The following POU6F2 variants were observed in gnomAD, a reference collection of about 807,000 sequenced individuals.
POU6F2 encodes POU class 6 homeobox 2, also known as POU domain, class 6, transcription factor 2.
In POU6F2, 31 loss-of-function variants were observed where a neutral mutation model predicts 71.3. The observed-to-expected ratio is 0.43, with a 90% CI of 0.33 to 0.59. The LOEUF is 0.59. Ranked by LOEUF, POU6F2 falls within the 20% of genes least tolerant of loss-of-function variation. The pLI is 0.04. For missense variants in POU6F2, 783 were observed against 856.8 expected (o/e 0.91, Z 1.07); for synonymous variants, 347 against 355.7 (o/e 0.98, Z 0.27).
chr7:39,233,422 T>C (rs1794613972), intron 4 of POU6F2, among the ~76,000 whole-genome samples: 1 of 152,206 alleles, frequency 6.6e-6, no homozygotes, highest in Non-Finnish European at 1.5e-5. Context: ...TTATCAATAA[T>C]TTAATTAATA....
intron 4 of POU6F2, among the ~76,000 whole-genome samples, chr7:39,308,365 G>A (rs929080612): frequency 4.6e-5 from 7 of 152,164 alleles, no homozygotes; most frequent in African/African-American, 1.7e-4. Context: ...TCAGTGAAAC[G>A]TGTGATCAGG....
chr7:39,264,392 T>G (rs1260297890), intron 4 of POU6F2, among the ~76,000 whole-genome samples: 1 of 152,212 alleles, frequency 6.6e-6, no homozygotes, highest in Admixed American at 6.5e-5. Context: ...CCTGGTTAGA[T>G]GATTCAATCC....
At chr7:39,385,815 A>G (rs1786925423) in intron 5 of POU6F2, among the ~76,000 whole-genome samples, 1 of 152,132 alleles carries the variant, frequency 6.6e-6, no homozygotes, top group Non-Finnish European at 1.5e-5. Context: ...GCTTTGCCCA[A>G]GGCCATGCCC....
At chr7:39,392,100 ATTTAG>A (rs1787085748) in intron 5 of POU6F2, among the ~76,000 whole-genome samples, 1 of 152,240 alleles carries the variant, frequency 6.6e-6, no homozygotes, top group South Asian at 2.1e-4. Flanking sequence ...AGAAAATTCT[ATTTAG>A]TTAATACATT....
chr7:39,192,293 T>C (rs1209591569), intron 2 of POU6F2, among the ~76,000 whole-genome samples: 1 of 152,224 alleles, frequency 6.6e-6, no homozygotes, highest in Non-Finnish European at 1.5e-5. Flanking sequence ...GCTACCCTTT[T>C]GGAGTATCTG....
At chr7:39,052,801 C>T (rs1790423843) in intron 1 of POU6F2, among the ~76,000 whole-genome samples, 1 of 152,106 alleles carries the variant, frequency 6.6e-6, no homozygotes, top group Admixed American at 6.6e-5. Flanking sequence ...ATTTATTCAT[C>T]CACTTGTTAA....
intron 2 of POU6F2, among the ~76,000 whole-genome samples, chr7:39,130,239 A>G (rs944289778): frequency 6.6e-6 from 1 of 151,806 alleles, no homozygotes; most frequent in Non-Finnish European, 1.5e-5. Context: ...ATTATATTTA[A>G]TATCAGATGA....
intron 4 of POU6F2, among the ~76,000 whole-genome samples, chr7:39,224,875 A>G (rs1794432484): frequency 6.6e-6 from 1 of 152,182 alleles, no homozygotes. Context: ...TGTAAGTGAA[A>G]GTTTCTCTCT....
chr7:39,296,776 C>T (rs140957025), intron 4 of POU6F2, among the ~76,000 whole-genome samples: 43 of 152,258 alleles, frequency 2.8e-4, no homozygotes, highest in East Asian at 1.2e-3. Context: ...CCCCTCTTGA[C>T]GCTTAGCTCT....
chr7:38,982,938 T>C (rs1322225178), intron 1 of POU6F2, among the ~76,000 whole-genome samples: 1 of 152,064 alleles, frequency 6.6e-6, no homozygotes, highest in Non-Finnish European at 1.5e-5. Context: ...GTGAAGGATG[T>C]TTCTTCACTG....
At chr7:39,116,615 GT>G (rs1791935536) in intron 2 of POU6F2, among the ~76,000 whole-genome samples, 2 of 152,108 alleles carry the variant, frequency 1.3e-5, no homozygotes, top group Admixed American at 6.6e-5. Context: ...TTGAACTCAG[GT>G]CTCTCTGGCC....
chr7:39,192,396 T>C (rs866309235), intron 2 of POU6F2, among the ~76,000 whole-genome samples: 22 of 152,298 alleles, frequency 1.4e-4, no homozygotes, highest in African/African-American at 5.1e-4. Flanking sequence ...GTAAAGAATG[T>C]GGTGTTCTGA....
At chr7:39,133,744 T>C (rs954305088) in intron 2 of POU6F2, among the ~76,000 whole-genome samples, 1 of 152,234 alleles carries the variant, frequency 6.6e-6, no homozygotes, top group East Asian at 1.9e-4. Flanking sequence ...GACTGTGCAC[T>C]GTACAATTCA....
At chr7:39,075,948 C>G (rs755705209) in intron 1 of POU6F2, among the ~76,000 whole-genome samples, 6 of 152,210 alleles carry the variant, frequency 3.9e-5, no homozygotes, top group Non-Finnish European at 4.4e-5. Context: ...TCCATCTTGT[C>G]CTGTGTTACA....
intron 5 of POU6F2, among the ~76,000 whole-genome samples, chr7:39,383,362 T>C (rs1213733476): frequency 6.6e-6 from 1 of 152,194 alleles, no homozygotes; most frequent in African/African-American, 2.4e-5. Flanking sequence ...ACAGCTATTT[T>C]TTTTGTCTAT....
In POU6F2 at chr7:39,441,373, A is replaced by G. The variant is rs76240347; in HGVS notation, c.1320+8090A>G. Among the ~76,000 whole-genome samples, 1,045 of 139,284 alleles carry G rather than the reference A, an allele frequency of 7.5e-3. 20 individuals carry two copies. Among genetic ancestry groups the G allele is most frequent in the East Asian group, 0.071 (311 of 4,358 alleles). The allele number at this position is 139,284 out of a possible 152,430, so 91.4% of individuals were successfully genotyped here. On this transcript the variant is annotated intron_variant, in intron 7 of 9. Coordinates refer to ENST00000518318, the MANE Select transcript of POU6F2 (RefSeq NM_001370959.1). The stretch of plus-strand genomic sequence containing the variant: ...AGAGCATGTACTTGGAGTTGAGTAC[A>G]TGGGAGTCAAGTCATGAGTACATTT...
chr7:39,005,563 C>T (rs1789040855), intron 1 of POU6F2, among the ~76,000 whole-genome samples: 1 of 140,488 alleles, frequency 7.1e-6, no homozygotes, highest in Non-Finnish European at 1.6e-5. Flanking sequence ...CATGTGTGCA[C>T]GTGTATGTAG....
chr7:39,016,019 T>TTGATAC (rs1789522043), intron 1 of POU6F2, among the ~76,000 whole-genome samples: 1 of 95,114 alleles, frequency 1.1e-5, no homozygotes, highest in Non-Finnish European at 1.9e-5. Context: ...ATATATTATA[T>TTGATAC]ATATTATATA....
intron 4 of POU6F2, among the ~76,000 whole-genome samples, chr7:39,210,070 C>T (rs1794107682): frequency 6.6e-6 from 1 of 152,178 alleles, no homozygotes; most frequent in Non-Finnish European, 1.5e-5. Flanking sequence ...ACAATAAATA[C>T]AGTATTTATC....
Sources: gnomAD v4.1 joint callset for allele counts (sites outside exome capture counted in the v4.1 genomes callset) on GRCh38, gnomAD v4.1.1 for gene constraint, MANE v1.5 for transcripts, NCBI Gene and HGNC (gene_info 2026-07-23, HGNC 2026-07-21) for gene names.